Variants in AKT3 observed in about 807,000 individuals in gnomAD.
AKT3 encodes RAC-gamma serine/threonine-protein kinase.
A neutral mutation model predicts 65.3 loss-of-function variants in AKT3; 15 were observed. That is an observed-to-expected ratio of 0.23 (90% confidence interval 0.15 to 0.35). The LOEUF is 0.35. Ranked by LOEUF, AKT3 falls within the 10% of genes least tolerant of loss-of-function variation. The probability of loss-of-function intolerance (pLI) is 1.00; values close to 1 mark genes in which losing one functional copy is unlikely to be tolerated. For synonymous variants in AKT3, 206 were observed against 183.8 expected, an observed-to-expected ratio of 1.12 and a Z score of -0.98; for missense variants, 243 against 576.5, an observed-to-expected ratio of 0.42 and a Z score of 5.92.
intron 2 of AKT3, among the ~76,000 whole-genome samples, chr1:243,760,064 T>C (rs1480469855): frequency 6.6e-6 from 1 of 152,168 alleles, no homozygotes; most frequent in Non-Finnish European, 1.5e-5. Context: ...AGGCTACTCC[T>C]AGATTGCTAT....
At chr1:243,530,074 T>C (rs1671425464) in intron 12 of AKT3, among the ~76,000 whole-genome samples, 2 of 152,210 alleles carry the variant, frequency 1.3e-5, no homozygotes, top group African/African-American at 4.8e-5. Flanking sequence ...GTGAATAGGA[T>C]TGCATTCTTG....
At chr1:243,702,243 A>C (rs1048636295) in intron 2 of AKT3, among the ~76,000 whole-genome samples, 1 of 152,200 alleles carries the variant, frequency 6.6e-6, no homozygotes, top group Non-Finnish European at 1.5e-5. Context: ...GTTGTGATCA[A>C]TACGAGGTCA....
chr1:243,815,183 T>C (rs918543063), intron 2 of AKT3, among the ~76,000 whole-genome samples: 8 of 152,286 alleles, frequency 5.3e-5, no homozygotes, highest in Non-Finnish European at 5.9e-5. Flanking sequence ...TTTTCTTTAA[T>C]AGTATTTCAT....
intron 6 of AKT3, among the ~76,000 whole-genome samples, chr1:243,620,736 C>G (rs1678686587): frequency 6.6e-6 from 1 of 152,014 alleles, no homozygotes; most frequent in Non-Finnish European, 1.5e-5. Context: ...CACCGTTGTT[C>G]TCTGTTAACT....
chr1:243,786,125 A>T (rs1691247259), intron 2 of AKT3, among the ~76,000 whole-genome samples: 1 of 152,128 alleles, frequency 6.6e-6, no homozygotes, highest in South Asian at 2.1e-4. Flanking sequence ...TAATCAAGGG[A>T]TCTGAACTAT....
At chr1:243,640,179 C>T (rs1680266259) in intron 5 of AKT3, among the ~76,000 whole-genome samples, 1 of 152,086 alleles carries the variant, frequency 6.6e-6, no homozygotes, top group Non-Finnish European at 1.5e-5. Context: ...AACTAAAAAT[C>T]AAACATGTAG....
intron 3 of AKT3, among the ~76,000 whole-genome samples, chr1:243,678,101 A>T (rs1683656803): frequency 6.6e-6 from 1 of 152,098 alleles, no homozygotes; most frequent in African/African-American, 2.4e-5. Context: ...ACAAACAAAA[A>T]AAGTCAAATA....
At position 243,811,278 on chromosome 1, in the gene AKT3, T is replaced by C. The variant is rs539921614; in HGVS notation, c.46+31847A>G. Among the ~76,000 whole-genome samples the C allele has an allele frequency of 7.4e-4, 112 of 152,316 alleles. 4 individuals are homozygous for C. The South Asian group carries it at 0.022, about 30-fold the overall frequency. Reference sequence around the variant, plus strand: ...ATGATTGTATATCTAGAAAACCCCATGGTCTCAGCCCAAAACCTCCTTAAG... The same window carrying C: ...ATGATTGTATATCTAGAAAACCCCACGGTCTCAGCCCAAAACCTCCTTAAG... On this transcript the variant is annotated intron_variant, in intron 2 of 13. Coordinates refer to ENST00000673466, the MANE Select transcript of AKT3 (RefSeq NM_005465.7).
intron 13 of AKT3, among the ~76,000 whole-genome samples, chr1:243,492,294 G>GTTTTTTT (rs1558547697): frequency 1.7e-5 from 1 of 60,162 alleles, no homozygotes. Context: ...TCGTTTCTTG[G>GTTTTTTT]CTTTTTTTTT....
intron 6 of AKT3, among the ~76,000 whole-genome samples, chr1:243,620,479 T>C (rs1422148261): frequency 1.3e-5 from 2 of 152,052 alleles, no homozygotes; most frequent in African/African-American, 4.8e-5. Flanking sequence ...TGATTATTAT[T>C]TACTTTTCCA....
intron 3 of AKT3, among the ~76,000 whole-genome samples, chr1:243,677,682 T>C (rs1683613862): frequency 1.3e-5 from 2 of 152,146 alleles, no homozygotes; most frequent in African/African-American, 4.8e-5. Context: ...TAAAGGATTT[T>C]TCCCCCTTGG....
chr1:243,823,042 C>A (rs28869008), intron 2 of AKT3, among the ~76,000 whole-genome samples: 33,225 of 152,006 alleles, frequency 0.22, 3,913 homozygotes, highest in East Asian at 0.32. Context: ...AAAACGCTGG[C>A]AAAGTGAATC....
intron 3 of AKT3, among the ~76,000 whole-genome samples, chr1:243,682,941 C>T (rs974435209): frequency 3.3e-5 from 5 of 152,146 alleles, no homozygotes; most frequent in Non-Finnish European, 5.9e-5. Flanking sequence ...GCAAAACTCC[C>T]TTCAAAACTT....
chr1:243,847,984 A>G (rs915265293), intron 1 of AKT3, among the ~76,000 whole-genome samples: 1 of 152,220 alleles, frequency 6.6e-6, no homozygotes, highest in African/African-American at 2.4e-5. Context: ...ATGAATACAA[A>G]TAATAATTTC....
intron 13 of AKT3, among the ~76,000 whole-genome samples, chr1:243,506,671 G>C (rs181143587): frequency 2.8e-4 from 43 of 152,346 alleles, no homozygotes; most frequent in Non-Finnish European, 5.6e-4. Context: ...AGATATCCTC[G>C]TATTAGGTGA....
chr1:243,561,318 C>T (rs985766875), intron 10 of AKT3, among the ~76,000 whole-genome samples: 2 of 152,052 alleles, frequency 1.3e-5, no homozygotes, highest in Non-Finnish European at 2.9e-5. Flanking sequence ...TTACCTTTTC[C>T]TGTTGGGCAT....
chr1:243,804,802 G>A (rs1319474184), intron 2 of AKT3, among the ~76,000 whole-genome samples: 4 of 150,486 alleles, frequency 2.7e-5, no homozygotes, highest in African/African-American at 7.4e-5. Flanking sequence ...AGCTGAGATC[G>A]CACCACTGCA....
At chr1:243,664,745 C>T in intron 4 of AKT3, 27 bp downstream of exon 4, 1 of 1,260,486 alleles carries the variant, frequency 7.9e-7, no homozygotes, top group East Asian at 2.7e-5. Flanking sequence ...TGCTTTTTCA[C>T]AAAATGAAAA....
chr1:243,733,772 G>A (rs1273702360), intron 2 of AKT3, among the ~76,000 whole-genome samples: 8 of 152,092 alleles, frequency 5.3e-5, no homozygotes, highest in Non-Finnish European at 1.0e-4. Flanking sequence ...TAAAAAGTAC[G>A]TATCTTAATT....
Sources: allele counts gnomAD v4.1 joint callset (sites outside exome capture counted in the v4.1 genomes callset), GRCh38; gene constraint gnomAD v4.1.1; transcripts MANE v1.5; gene names NCBI Gene and HGNC (gene_info 2026-07-23, HGNC 2026-07-21).